SYT1: variants seen among roughly 807,000 people sequenced by gnomAD.
SYT1 encodes synaptotagmin 1.
In SYT1, 8 loss-of-function variants were observed where a neutral mutation model predicts 44.8. The observed-to-expected ratio is 0.18, with a 90% CI of 0.10 to 0.32. The LOEUF is 0.32. SYT1 is among the 10% of genes least tolerant of loss of function. The pLI is 1.00. For synonymous variants in SYT1, 154 were observed against 188.8 expected, an observed-to-expected ratio of 0.82 and a Z score of 1.51; for missense variants, 286 against 509.3, an observed-to-expected ratio of 0.56 and a Z score of 4.22.
chr12:79,060,801 T>C (rs1294090698), intron 3 of SYT1, among the ~76,000 whole-genome samples: 9 of 152,144 alleles, frequency 5.9e-5, no homozygotes, highest in Admixed American at 5.9e-4. Flanking sequence ...AGAAATGCAA[T>C]GAGTTCATGA....
intron 1 of SYT1, among the ~76,000 whole-genome samples, chr12:78,893,532 T>C (rs559598750): frequency 2.4e-4 from 36 of 151,888 alleles, no homozygotes; most frequent in Non-Finnish European, 4.6e-4. Flanking sequence ...CAAACTTAGA[T>C]ACTCATGAAG....
intron 8 of SYT1, among the ~76,000 whole-genome samples, chr12:79,319,525 A>G (rs1402900819): frequency 1.3e-5 from 2 of 152,198 alleles, no homozygotes; most frequent in African/African-American, 2.4e-5. Flanking sequence ...TATGCAAGGG[A>G]TGATGTTTTG....
intron 3 of SYT1, among the ~76,000 whole-genome samples, chr12:79,146,370 C>A (rs1869914624): frequency 6.6e-6 from 1 of 152,162 alleles, no homozygotes; most frequent in Non-Finnish European, 1.5e-5. Context: ...AGGCTCTTTC[C>A]CTGTACTGTC....
chr12:79,244,745 G>A (rs1210649392), intron 4 of SYT1, among the ~76,000 whole-genome samples: 8 of 151,532 alleles, frequency 5.3e-5, no homozygotes, highest in Non-Finnish European at 7.4e-5. Flanking sequence ...AGTGCTCCAT[G>A]GTTATATTAA....
intron 2 of SYT1, among the ~76,000 whole-genome samples, chr12:79,001,356 A>C (rs1592649421): frequency 6.6e-6 from 1 of 152,102 alleles, no homozygotes; most frequent in East Asian, 1.9e-4. Flanking sequence ...TTTAGAGAAC[A>C]TTAACTTTAG....
intron 2 of SYT1, among the ~76,000 whole-genome samples, chr12:79,037,018 C>G (rs1728070124): frequency 6.6e-6 from 1 of 151,750 alleles, no homozygotes; most frequent in Non-Finnish European, 1.5e-5. Context: ...CAGAATTTTA[C>G]TTTTGTCATT....
At chr12:79,308,603 A>AAAG (rs1880571509) in intron 8 of SYT1, among the ~76,000 whole-genome samples, 2 of 66,730 alleles carry the variant, frequency 3.0e-5, no homozygotes, top group African/African-American at 1.2e-4. Flanking sequence ...AGAAAGAAAG[A>AAAG]AAGAAAGAAA....
intron 3 of SYT1, among the ~76,000 whole-genome samples, chr12:79,103,338 A>C (rs1878539459): frequency 6.6e-6 from 1 of 152,302 alleles, no homozygotes; most frequent in South Asian, 2.1e-4. Flanking sequence ...CTTAAAATAA[A>C]TAAAAGTGAA....
intron 3 of SYT1, among the ~76,000 whole-genome samples, chr12:79,136,104 C>T (rs941139395): frequency 2.6e-5 from 4 of 152,058 alleles, no homozygotes; most frequent in African/African-American, 4.8e-5. Flanking sequence ...TAGAATAAAT[C>T]GTGGATTTTT....
chr12:79,038,573 G>C (rs186671662), intron 2 of SYT1, among the ~76,000 whole-genome samples: 1 of 151,942 alleles, frequency 6.6e-6, no homozygotes, highest in South Asian at 2.1e-4. Context: ...CTTAGGATTA[G>C]TGATATCTGT....
intron 2 of SYT1, among the ~76,000 whole-genome samples, chr12:79,005,151 G>A (rs1359360777): frequency 6.6e-5 from 10 of 151,928 alleles, no homozygotes; most frequent in South Asian, 4.2e-4. Flanking sequence ...TGAAGTCAGC[G>A]GAGAACCTTA....
intron 3 of SYT1, among the ~76,000 whole-genome samples, chr12:79,178,855 G>C: frequency 6.7e-6 from 1 of 148,738 alleles, no homozygotes; most frequent in Non-Finnish European, 1.5e-5. Context: ...TCGGCTCACT[G>C]CAATCTCCTC....
At chr12:78,932,444 AT>A (rs1486178198) in intron 1 of SYT1, among the ~76,000 whole-genome samples, 17 of 152,290 alleles carry the variant, frequency 1.1e-4, no homozygotes, top group African/African-American at 3.8e-4. Context: ...TTGGATAGTT[AT>A]TTGTGCCTTC....
intron 4 of SYT1, among the ~76,000 whole-genome samples, chr12:79,235,437 A>G (rs1876132071): frequency 6.6e-6 from 1 of 152,072 alleles, no homozygotes; most frequent in Non-Finnish European, 1.5e-5. Flanking sequence ...TGACCTTGAT[A>G]TAGACAAAGA....
At chr12:79,365,809 C>A in intron 9 of SYT1, among the ~76,000 whole-genome samples, 1 of 132,968 alleles carries the variant, frequency 7.5e-6, no homozygotes, top group African/African-American at 3.2e-5. Flanking sequence ...AAAAAGACAG[C>A]CTAGACTGAT....
At chr12:79,440,628 T>C (rs1870355891) in intron 9 of SYT1, among the ~76,000 whole-genome samples, 1 of 152,176 alleles carries the variant, frequency 6.6e-6, no homozygotes, top group African/African-American at 2.4e-5. Context: ...TTTTATTATT[T>C]CCATAAAATT....
intron 2 of SYT1, among the ~76,000 whole-genome samples, chr12:79,037,495 C>A (rs1373620154): frequency 6.6e-6 from 1 of 151,734 alleles, no homozygotes; most frequent in Non-Finnish European, 1.5e-5. Context: ...ATGAGTAGTT[C>A]TTTCATCCCT....
intron 8 of SYT1, among the ~76,000 whole-genome samples, chr12:79,311,280 C>T (rs1880772001): frequency 1.3e-5 from 2 of 152,156 alleles, no homozygotes; most frequent in Admixed American, 1.3e-4. Flanking sequence ...CTCACCATCA[C>T]TGGCCATCAG....
intron 1 of SYT1, among the ~76,000 whole-genome samples, chr12:78,894,328 CTGTTTTTTTTT>C (rs1875225730): frequency 1.0e-4 from 1 of 9,740 alleles, no homozygotes; most frequent in African/African-American, 3.2e-4. Context: ...GTTTTTTAAT[CTGTTTTTTTTT>C]TTTTTTTTTT....
Sources: allele counts gnomAD v4.1 joint callset (sites outside exome capture counted in the v4.1 genomes callset), GRCh38; gene constraint gnomAD v4.1.1; transcripts MANE v1.5; gene names NCBI Gene and HGNC (gene_info 2026-07-23, HGNC 2026-07-21).